Variants in COMMD5 observed in about 807,000 individuals in gnomAD.
The protein encoded by COMMD5 is COMM domain-containing protein 5.
Under a neutral mutation model 6.9 loss-of-function variants are expected in COMMD5, and 10 were observed. That is an observed-to-expected ratio of 1.44 (90% CI 0.89 to 2.45). The LOEUF (loss-of-function observed/expected upper bound fraction) is 2.45. COMMD5 is among the 30% of genes most tolerant of loss of function. COMMD5 has a pLI of 0.00. For missense variants in COMMD5, 234 were observed against 287.8 expected, an observed-to-expected ratio of 0.81 and a Z score of 1.35; for synonymous variants, 127 against 125.3, an observed-to-expected ratio of 1.01 and a Z score of -0.09.
In COMMD5 at chr8:144,851,353, CT is replaced by C. The variant is rs770018379; in HGVS notation, c.-16del. 1.3e-5 allele frequency: 21 copies of C among 1,591,974 alleles called. No homozygotes were observed. The highest frequency in any genetic ancestry group is 1.6e-5 in the Non-Finnish European group (19 of 1,165,684). On this transcript the variant is annotated 5_prime_UTR_variant, in exon 2 of 2. Transcript: ENST00000305103. ...ACAGCAGACATTGCTGCTGCTTCCT[CT>C]TTGATCAGCCAGCCCAGGAGGTCGG...
exon 2 of COMMD5, chr8:144,841,223 G>GT: frequency 1.1e-6 from 1 of 894,262 alleles, no homozygotes; most frequent in Non-Finnish European, 1.7e-6. Flanking sequence ...TCTCTTGCAC[G>GT]TTTCCACCTG....
downstream of COMMD5, chr8:144,846,891 G>C (rs1322692665): frequency 6.6e-6 from 1 of 152,136 alleles, no homozygotes; most frequent in African/African-American, 2.4e-5. Flanking sequence ...AATAGAGACG[G>C]GGTTTCACTG....
intron 1 of COMMD5, chr8:144,843,160 A>AATTTATATGTAAG: frequency 6.3e-7 from 1 of 1,587,054 alleles, no homozygotes; most frequent in Non-Finnish European, 8.6e-7. Context: ...AAAAATTCAC[A>AATTTATATGTAAG]TGGGATAGAC....
At chr8:144,839,868 G>A (rs1829638110), downstream of COMMD5, among the ~76,000 whole-genome samples, 1 of 152,240 alleles carries the variant, frequency 6.6e-6, no homozygotes, top group African/African-American at 2.4e-5. Flanking sequence ...CGTGCCCCCT[G>A]CTGGGTGGTT....
At chr8:144,838,895 T>C (rs1829440734), downstream of COMMD5, 1 of 145,452 alleles carries the variant, frequency 6.9e-6, no homozygotes, top group Admixed American at 7.0e-5. Flanking sequence ...TGAGCCGAGA[T>C]TGCGCTACTG....
chr8:144,843,160 A>C, intron 1 of COMMD5: 1 of 1,587,054 alleles, frequency 6.3e-7, no homozygotes, highest in African/African-American at 1.4e-5. Context: ...AAAAATTCAC[A>C]TGGGATAGAC....
In COMMD5 at chr8:144,844,515, C is replaced by G. The variant is rs541344604; in HGVS notation, c.*117-2772G>C. Among the ~76,000 whole-genome samples, 1,316 of 151,920 alleles carry G rather than the reference C, an allele frequency of 8.7e-3. 17 individuals carry two copies. The highest frequency in any genetic ancestry group is 0.029 in the African/African-American group (1,218 of 41,428). ...CATGAGGTCAGGAGATGAAGACCAT[C>G]CTGGCTAACACAGTGAAACCCCGTG... is the stretch of plus-strand genomic sequence containing the variant. On this transcript the variant is annotated intron_variant and NMD_transcript_variant, in intron 1 of 1. Transcript: ENST00000530332.
At chr8:144,853,441 G>A (rs953828471), upstream of COMMD5, 3 of 152,192 alleles carry the variant, frequency 2.0e-5, no homozygotes, top group African/African-American at 7.2e-5. Context: ...GAGACCTTGA[G>A]GATCAGCGCG....
chr8:144,848,452 G>A (rs538403036), downstream of COMMD5, among the ~76,000 whole-genome samples: 12 of 150,846 alleles, frequency 8.0e-5, no homozygotes, highest in Admixed American at 1.3e-4. Flanking sequence ...AGTCGAGATC[G>A]TGCCACTGCA....
Position 144,850,922 on chromosome 8 carries a change from A to C in COMMD5, c.417T>G (p.Asp139Glu), listed in dbSNP as rs1347015966. The change falls in exon 2 of 2, where the codon GAT (aspartate) becomes GAG (glutamate). Residue 139 changes from aspartate to glutamate, a missense_variant. Transcript: ENST00000305103. The surrounding 1 kb of genome is among the most constrained non-coding windows in gnomAD (Gnocchi z 4.0). Reference protein sequence around the residue: ...VVFGSQRPLLDSVAQQQGAWL... With the variant: ...VVFGSQRPLLESVAQQQGAWL... ...AGGCCCCCTGCTGCTGGGCCACAGA[A>C]TCAAGGAGGGGCCGCTGGCTCCCAA... The C allele has an allele frequency of 3.7e-6, 6 of 1,608,236 alleles. No individual in the cohort carries two copies. The highest frequency in any genetic ancestry group is 5.1e-6 in the Non-Finnish European group (6 of 1,177,962).
Position 144,841,648 on chromosome 8 carries a change from T to C in COMMD5, c.*212A>G, listed in dbSNP as rs139610230. On this transcript the variant is annotated 3_prime_UTR_variant and NMD_transcript_variant, in exon 2 of 2. Coordinates refer to the COMMD5 transcript ENST00000530332. ...GGAGCTGGGAAGCAGCGGCCTGGAT[T>C]GTCAGCCTCTTGAAAGTCAGGGAGA... The C allele has an allele frequency of 4.3e-6, 7 of 1,614,164 alleles. No homozygotes were observed. In the Admixed American group the frequency reaches 6.7e-5, roughly 15 times the overall value.
In COMMD5 at chr8:144,851,403, G is replaced by C. The variant is rs959646803; in HGVS notation, c.-57-8C>G. On this transcript the variant is annotated splice_polypyrimidine_tract_variant and splice_region_variant and intron_variant, in intron 1 of 1. Transcript: ENST00000305103. ...GGTCCCAGATGCAGATGCCTAGAGT[G>C]GGGTGGAGGAGAGAAGACCAGTGAC... 6 of 1,533,012 alleles carry C rather than the reference G, an allele frequency of 3.9e-6. No homozygotes were observed. In the African/African-American group the frequency reaches 8.2e-5, roughly 21 times the overall value. The allele number at this position is 1,533,012 out of a possible 1,614,324, so 95.0% of individuals were successfully genotyped here. A position where few individuals can be genotyped will look rare whatever the true frequency, so the allele number is the denominator to read the frequency against.
At chr8:144,839,195 C>T (rs1004239254), downstream of COMMD5, among the ~76,000 whole-genome samples, 1 of 151,216 alleles carries the variant, frequency 6.6e-6, no homozygotes, top group East Asian at 2.0e-4. Flanking sequence ...ACCTTACTTC[C>T]ATTCATATGC....
intron 1 of COMMD5, 77 bp from the exon 2 acceptor site, chr8:144,851,472 C>T: frequency 1.1e-6 from 1 of 927,772 alleles, no homozygotes; most frequent in South Asian, 1.7e-5. Context: ...ATATGGTCCC[C>T]ATCATCAGCA....
exon 2 of COMMD5, chr8:144,841,518 C>A: frequency 1.2e-6 from 2 of 1,614,188 alleles, no homozygotes; most frequent in African/African-American, 1.3e-5. Flanking sequence ...GTCATCTGGG[C>A]AGTCCCGGGC....
intron 1 of COMMD5, chr8:144,841,947 C>T (rs1829978708): frequency 3.7e-6 from 6 of 1,614,002 alleles, no homozygotes; most frequent in Non-Finnish European, 5.1e-6. Context: ...CCTTTAAATG[C>T]ACTGAGTGTG....
chr8:144,850,582 C>T lies in COMMD5; in HGVS notation c.*82G>A, dbSNP rs924515544. Reference sequence around the variant, plus strand: ...TGCCTCATGGGAAGGGCAGGGCTGTCGTGGGAAGAGTCAGCTGCACTTTGG... The same window carrying T: ...TGCCTCATGGGAAGGGCAGGGCTGTTGTGGGAAGAGTCAGCTGCACTTTGG... On this transcript the variant is annotated 3_prime_UTR_variant, in exon 2 of 2. Coordinates refer to ENST00000305103, the MANE Select transcript of COMMD5 (RefSeq NM_014066.4). The surrounding 1 kb of genome is among the most constrained non-coding windows in gnomAD (Gnocchi z 4.0). 20 of 1,461,396 alleles carry T rather than the reference C, an allele frequency of 1.4e-5. No individual in the cohort carries two copies. Among genetic ancestry groups the T allele is most frequent in the Middle Eastern group, 2.5e-4 (1 of 3,980 alleles). The allele number at this position is 1,461,396 out of a possible 1,614,324, so 90.5% of individuals were successfully genotyped here.
chr8:144,838,051 G>A (rs983693784), downstream of COMMD5: 1 of 693,704 alleles, frequency 1.4e-6, no homozygotes. Flanking sequence ...AGCAAGCAGG[G>A]CCGTGCCCCC....
downstream of COMMD5, among the ~76,000 whole-genome samples, chr8:144,849,317 T>C (rs536620985): frequency 6.6e-6 from 1 of 152,256 alleles, no homozygotes; most frequent in South Asian, 2.1e-4. Flanking sequence ...AGCTGAGTGA[T>C]CGACCAGATG....
Sources: gnomAD v4.1 joint callset for allele counts (sites outside exome capture counted in the v4.1 genomes callset) on GRCh38, gnomAD v4.1.1 for gene constraint, Gnocchi (gnomAD v3.1) non-coding constraint, MANE v1.5 for transcripts, NCBI Gene and HGNC (gene_info 2026-07-23, HGNC 2026-07-21) for gene names.